RB1: variants seen among roughly 807,000 people sequenced by gnomAD.
RB1 encodes RB transcriptional corepressor 1.
Under a neutral mutation model 135.4 loss-of-function variants are expected in RB1, and 18 were observed. The ratio of observed to expected loss-of-function variants is 0.13; its 90% CI spans 0.09 to 0.20. RB1 has a LOEUF of 0.20. Among genes scored for constraint, RB1 ranks in the 10% least tolerant of loss-of-function variants. The pLI, the probability that RB1 is intolerant of heterozygous loss-of-function variation, is 1.00. For missense variants in RB1, 868 were observed against 1,110.0 expected, an observed-to-expected ratio of 0.78 and a Z score of 3.10; for synonymous variants, 365 against 373.2, an observed-to-expected ratio of 0.98 and a Z score of 0.25.
chr13:48,461,662 T>G (rs1193065938), intron 20 of RB1, among the ~76,000 whole-genome samples: 1 of 152,108 alleles, frequency 6.6e-6, no homozygotes. Flanking sequence ...TTTTTATCTT[T>G]TTTTTTTAAT....
intron 6 of RB1, among the ~76,000 whole-genome samples, chr13:48,355,720 A>G (rs958702608): frequency 2.0e-5 from 3 of 152,108 alleles, no homozygotes; most frequent in Non-Finnish European, 4.4e-5. Flanking sequence ...CATATACACA[A>G]TGGAGTACTA....
At chr13:48,336,035 A>G (rs1045759549) in intron 2 of RB1, among the ~76,000 whole-genome samples, 1 of 152,104 alleles carries the variant, frequency 6.6e-6, no homozygotes, top group Non-Finnish European at 1.5e-5. Flanking sequence ...TACTGAAAAA[A>G]GTTGCATGGA....
At chr13:48,409,363 G>T (rs1442765879) in intron 17 of RB1, among the ~76,000 whole-genome samples, 3 of 151,610 alleles carry the variant, frequency 2.0e-5, no homozygotes, top group Non-Finnish European at 4.4e-5. Context: ...GCAAATGATT[G>T]TGATTTTTCT....
intron 2 of RB1, among the ~76,000 whole-genome samples, chr13:48,322,479 GAT>G (rs1180088156): frequency 6.6e-6 from 1 of 152,178 alleles, no homozygotes; most frequent in African/African-American, 2.4e-5. Flanking sequence ...TGCAAATAGA[GAT>G]AGTTTTACTT....
At chr13:48,419,685 TA>T (rs1023430846) in intron 17 of RB1, among the ~76,000 whole-genome samples, 1 of 151,364 alleles carries the variant, frequency 6.6e-6, no homozygotes, top group African/African-American at 2.4e-5. Context: ...ATAGACACAA[TA>T]AAAAAATGCT....
chr13:48,457,715 T>C (rs1029315522), intron 19 of RB1, among the ~76,000 whole-genome samples: 4 of 152,190 alleles, frequency 2.6e-5, no homozygotes, highest in Non-Finnish European at 5.9e-5. Context: ...GCCCAAAGTC[T>C]GGAGAGGGCT....
intron 17 of RB1, among the ~76,000 whole-genome samples, chr13:48,386,865 A>G (rs1948574711): frequency 6.6e-6 from 1 of 152,228 alleles, no homozygotes; most frequent in Non-Finnish European, 1.5e-5. Context: ...TTATAAAATC[A>G]TTCACGGGTA....
intron 17 of RB1, among the ~76,000 whole-genome samples, chr13:48,405,170 C>A (rs1198682811): frequency 6.6e-6 from 1 of 152,000 alleles, no homozygotes; most frequent in Non-Finnish European, 1.5e-5. Flanking sequence ...TGCAACAAGC[C>A]CAGAAAATGT....
chr13:48,479,898 G>A (rs970213494), intron 26 of RB1, 100 bp from the exon 27 acceptor site: 113 of 880,756 alleles, frequency 1.3e-4, no homozygotes, highest in South Asian at 1.2e-3. Flanking sequence ...GCAAGGTCCT[G>A]AGCGCCATCA....
intron 17 of RB1, among the ~76,000 whole-genome samples, chr13:48,398,422 CTA>C (rs1267147692): frequency 3.9e-5 from 6 of 152,080 alleles, no homozygotes; most frequent in Admixed American, 6.6e-5. Context: ...TTGCTTCCCA[CTA>C]TGTCTATTTT....
chr13:48,375,057 A>G (rs1173195182), intron 12 of RB1, among the ~76,000 whole-genome samples: 1 of 152,062 alleles, frequency 6.6e-6, no homozygotes, highest in Admixed American at 6.6e-5. Context: ...TTCTTTTTTT[A>G]TGACTGTATA....
chr13:48,408,943 T>C (rs1289684935), intron 17 of RB1, among the ~76,000 whole-genome samples: 1 of 152,172 alleles, frequency 6.6e-6, no homozygotes, highest in Non-Finnish European at 1.5e-5. Flanking sequence ...TCTCCACCCC[T>C]TTCCCCCAGA....
At chr13:48,338,141 C>A (rs1952402328) in intron 2 of RB1, among the ~76,000 whole-genome samples, 1 of 152,208 alleles carries the variant, frequency 6.6e-6, no homozygotes, top group Admixed American at 6.5e-5. Flanking sequence ...TTTGGTGAAT[C>A]TGACAATTAT....
At chr13:48,457,297 T>C (rs377327492) in intron 19 of RB1, among the ~76,000 whole-genome samples, 6 of 152,214 alleles carry the variant, frequency 3.9e-5, no homozygotes, top group African/African-American at 1.4e-4. Flanking sequence ...GCAGAAAGGG[T>C]AGCTCCTCTC....
At position 48,472,968 on chromosome 13, in the gene RB1, ATTAC is replaced by A. The variant is rs1054038798; in HGVS notation, c.2490-388_2490-385del. Among the ~76,000 whole-genome samples, 514 of 152,328 alleles carry A rather than the reference ATTAC, an allele frequency of 3.4e-3. 5 individuals carry two copies. Among genetic ancestry groups the A allele is most frequent in the African/African-American group, 0.012 (497 of 41,570 alleles). On this transcript the variant is annotated intron_variant, in intron 23 of 26. Coordinates refer to ENST00000267163, the MANE Select transcript of RB1 (RefSeq NM_000321.3). ...ATAGATGCTAATTAGAATTCTGATT[ATTAC>A]TTAATATTCTAAGTTTTTTCCAAAT...
intron 2 of RB1, among the ~76,000 whole-genome samples, chr13:48,325,460 A>T (rs1484562143): frequency 6.6e-6 from 1 of 152,220 alleles, no homozygotes; most frequent in Admixed American, 6.5e-5. Context: ...ACAAGTCATC[A>T]TCAGTAATTT....
intron 6 of RB1, among the ~76,000 whole-genome samples, chr13:48,350,380 C>T (rs1416347819): frequency 6.6e-6 from 1 of 152,026 alleles, no homozygotes; most frequent in African/African-American, 2.4e-5. Flanking sequence ...ATTTTGGAAA[C>T]TGTACAGATA....
chr13:48,448,361 C>A (rs1384902114), intron 17 of RB1, among the ~76,000 whole-genome samples: 1 of 152,042 alleles, frequency 6.6e-6, no homozygotes, highest in Admixed American at 6.5e-5. Flanking sequence ...TCTCTTTTTT[C>A]TCCCCGCCAT....
At chr13:48,317,432 C>A in intron 2 of RB1, 1 of 389,558 alleles carries the variant, frequency 2.6e-6, no homozygotes, top group Non-Finnish European at 4.7e-6. Flanking sequence ...GTGTGGTCAG[C>A]CTGGGCTCCA....
Sources: allele counts gnomAD v4.1 joint callset (sites outside exome capture counted in the v4.1 genomes callset), GRCh38; gene constraint gnomAD v4.1.1; transcripts MANE v1.5; gene names NCBI Gene and HGNC (gene_info 2026-07-23, HGNC 2026-07-21).